ORC5: variants seen among roughly 807,000 people sequenced by gnomAD.
ORC5 encodes the protein protein phosphatase 1, regulatory subunit 117.
In ORC5, 39 loss-of-function variants were observed where a neutral mutation model predicts 58.8. The observed-to-expected ratio is 0.66, with a 90% CI of 0.51 to 0.87. ORC5 has a LOEUF of 0.87. Among genes scored for constraint, ORC5 ranks in the 40% least tolerant of loss-of-function variants. The pLI, the probability that ORC5 is intolerant of heterozygous loss-of-function variation, is 0.00. For missense variants in ORC5, 493 were observed against 506.3 expected (o/e 0.97, Z 0.25); for synonymous variants, 218 against 177.6 (o/e 1.23, Z -1.81).
intron 12 of ORC5, among the ~76,000 whole-genome samples, chr7:104,143,781 CAAATATACAAATAATAGATATTCAGAA>C (rs999440519): frequency 5.9e-5 from 9 of 151,932 alleles, no homozygotes; most frequent in Non-Finnish European, 1.0e-4. Flanking sequence ...AAATTGTACA[CAAATATACAAATAATAGATATTCAGAA>C]GAATATCTAT....
chr7:104,156,146 G>C (rs1422126596), intron 12 of ORC5, among the ~76,000 whole-genome samples: 1 of 151,152 alleles, frequency 6.6e-6, no homozygotes, highest in East Asian at 1.9e-4. Context: ...GGCATACATA[G>C]AAGGGCTACA....
intron 12 of ORC5, among the ~76,000 whole-genome samples, chr7:104,139,444 T>C (rs183548171): frequency 7.9e-5 from 12 of 152,278 alleles, no homozygotes; most frequent in African/African-American, 2.6e-4. Flanking sequence ...ATGATCATCT[T>C]ACTATATTAC....
chr7:104,180,840 C>T (rs746850738), intron 8 of ORC5, among the ~76,000 whole-genome samples: 3 of 151,988 alleles, frequency 2.0e-5, no homozygotes, highest in South Asian at 2.1e-4. Context: ...ATATGTATGC[C>T]ACAAAAATCA....
intron 8 of ORC5, among the ~76,000 whole-genome samples, chr7:104,173,433 A>C (rs1284511390): frequency 6.6e-6 from 1 of 152,190 alleles, no homozygotes; most frequent in South Asian, 2.1e-4. Flanking sequence ...TTAGGTTGAC[A>C]TATCTGGAGT....
chr7:104,160,009 G>T (rs1374636594), intron 12 of ORC5, among the ~76,000 whole-genome samples: 1 of 152,056 alleles, frequency 6.6e-6, no homozygotes, highest in Non-Finnish European at 1.5e-5. Context: ...CTTTTTTAAA[G>T]TTATCAGCAT....
Position 104,136,955 on chromosome 7 carries a change from G to T in ORC5, c.1150-62C>A. ...AAGATTATGTAATACTTTTGTTTCT[G>T]AAACATCTTATAGTCTGATAAAGAT... On this transcript the variant is annotated intron_variant, in intron 12 of 13. Transcript: ENST00000297431. This position sits in a 1 kb window ranked among gnomAD's most constrained non-coding sequence, Gnocchi z 4.2. 8.7e-7 allele frequency: 1 copy of T among 1,153,208 alleles called. No homozygotes were observed. Among genetic ancestry groups the T allele is most frequent in the Non-Finnish European group, 1.3e-6 (1 of 769,074 alleles). 71.4% of individuals were successfully genotyped at this position (1,153,208 alleles called of 1,614,324 possible). A position where few individuals can be genotyped will look rare whatever the true frequency, so the allele number is the denominator to read the frequency against.
chr7:104,207,765 T>C (rs957318168), intron 1 of ORC5, 68 bp downstream of exon 1: 30 of 1,473,458 alleles, frequency 2.0e-5, no homozygotes, highest in South Asian at 1.3e-4. Flanking sequence ...AAAACAAATA[T>C]TGGAACAGGT....
Position 104,150,734 on chromosome 7 carries a change from ATCAT to A in ORC5, c.1149+10334_1149+10337del, listed in dbSNP as rs996309425. Among the ~76,000 whole-genome samples, 6 of 152,148 alleles carry A rather than the reference ATCAT, an allele frequency of 3.9e-5. 1 individual carries two copies. Among genetic ancestry groups the A allele is most frequent in the Non-Finnish European group, 5.9e-5 (4 of 68,028 alleles). ...TAAATGCCTGTTAGGAGAATGGGAG[ATCAT>A]TCAATCAATGACTCTCATGTTCATG... is the stretch of plus-strand genomic sequence containing the variant. On this transcript the variant is annotated intron_variant, in intron 12 of 13. Transcript: ENST00000297431.
chr7:104,181,545 G>A (rs1294759013), intron 8 of ORC5, among the ~76,000 whole-genome samples: 1 of 152,056 alleles, frequency 6.6e-6, no homozygotes, highest in African/African-American at 2.4e-5. Flanking sequence ...CAGCACTTTG[G>A]GAGGCCAAGG....
At position 104,190,419 on chromosome 7, in the gene ORC5, T is replaced by G. The variant is rs1039826845; in HGVS notation, c.554-2038A>C. Among the ~76,000 whole-genome samples the G allele has an allele frequency of 2.6e-5, 4 of 152,136 alleles. No individual in the cohort carries two copies. The East Asian group carries it at 7.7e-4, about 29-fold the overall frequency. On this transcript the variant is annotated intron_variant, in intron 5 of 13. Coordinates refer to ENST00000297431, the MANE Select transcript of ORC5 (RefSeq NM_002553.4). ...ATCATCACCTGATCCTAGTCCTTACTTTGTTATTCCCCCTTGTATAAAACG... is the reference window on the plus strand; with the variant it reads ...ATCATCACCTGATCCTAGTCCTTACGTTGTTATTCCCCCTTGTATAAAACG...
At chr7:104,179,183 A>G (rs1444983629) in intron 8 of ORC5, among the ~76,000 whole-genome samples, 1 of 151,364 alleles carries the variant, frequency 6.6e-6, no homozygotes, top group African/African-American at 2.4e-5. Flanking sequence ...TCCCATGCTC[A>G]AGCAATTGTC....
intron 8 of ORC5, among the ~76,000 whole-genome samples, chr7:104,174,004 C>T (rs865860544): frequency 5.3e-5 from 8 of 151,404 alleles, no homozygotes; most frequent in Middle Eastern, 3.4e-3. Context: ...GCCACTACGC[C>T]CGGCTAATTT....
Position 104,188,248 on chromosome 7 carries a change from T to G in ORC5, c.684+3A>C, listed in dbSNP as rs1799593402. 6.2e-7 allele frequency: 1 copy of G among 1,606,692 alleles called. No individual in the cohort carries two copies. Among genetic ancestry groups the G allele is most frequent in the Non-Finnish European group, 8.5e-7 (1 of 1,174,954 alleles). On this transcript the variant is annotated splice_donor_region_variant and intron_variant, in intron 6 of 13. Coordinates refer to ENST00000297431, the MANE Select transcript of ORC5 (RefSeq NM_002553.4). Reference sequence around the variant, plus strand: ...TATATATTCAAGCAAAATGTTCATTTACCAGATGTCTGAGCTCTTTCAAAT... The same window carrying G: ...TATATATTCAAGCAAAATGTTCATTGACCAGATGTCTGAGCTCTTTCAAAT...
intron 2 of ORC5, chr7:104,202,662 A>T (rs1294171004): frequency 5.7e-6 from 2 of 352,274 alleles, no homozygotes; most frequent in Non-Finnish European, 1.1e-5. Context: ...ACTGGGTTTT[A>T]TTGCTTTTAT....
chr7:104,170,475 C>A (rs1201696289), intron 8 of ORC5, among the ~76,000 whole-genome samples: 1 of 152,146 alleles, frequency 6.6e-6, no homozygotes, highest in Non-Finnish European at 1.5e-5. Context: ...TGCTACACTG[C>A]TAGCTTAGAA....
chr7:104,178,871 C>T (rs1799376100), intron 8 of ORC5, among the ~76,000 whole-genome samples: 1 of 151,820 alleles, frequency 6.6e-6, no homozygotes, highest in African/African-American at 2.4e-5. Flanking sequence ...AAAGTGTATC[C>T]CGAAACATAA....
intron 12 of ORC5, among the ~76,000 whole-genome samples, chr7:104,145,392 T>C (rs562515646): frequency 1.3e-5 from 2 of 152,236 alleles, no homozygotes; most frequent in East Asian, 3.9e-4. Context: ...TATTTTGCAG[T>C]AAATAAATTA....
At chr7:104,139,944 G>T (rs1190641715) in intron 12 of ORC5, among the ~76,000 whole-genome samples, 1 of 151,880 alleles carries the variant, frequency 6.6e-6, no homozygotes, top group African/African-American at 2.4e-5. Context: ...CTGCTTTGTA[G>T]TTTTTAAGCT....
intron 2 of ORC5, among the ~76,000 whole-genome samples, chr7:104,202,071 T>C (rs540708298): frequency 1.7e-4 from 26 of 151,656 alleles, no homozygotes; most frequent in East Asian, 1.4e-3. Flanking sequence ...ACCTGGGCAA[T>C]AGAGCAAGAC....
Sources: gnomAD v4.1 joint callset for allele counts (sites outside exome capture counted in the v4.1 genomes callset) on GRCh38, gnomAD v4.1.1 for gene constraint, Gnocchi (gnomAD v3.1) non-coding constraint, MANE v1.5 for transcripts, NCBI Gene and HGNC (gene_info 2026-07-23, HGNC 2026-07-21) for gene names.